SYN3: variants seen among roughly 807,000 people sequenced by gnomAD.
The protein encoded by SYN3 is synapsin-3.
In SYN3, 35 loss-of-function variants were observed where a neutral mutation model predicts 65.8. The ratio of observed to expected loss-of-function variants is 0.53; its 90% confidence interval spans 0.41 to 0.70. The LOEUF (loss-of-function observed/expected upper bound fraction) is 0.70. Among genes scored for constraint, SYN3 ranks in the 30% least tolerant of loss-of-function variants. The pLI is 0.00. For synonymous variants in SYN3, 270 were observed against 292.9 expected (o/e 0.92, Z 0.80); for missense variants, 680 against 749.0 (o/e 0.91, Z 1.08).
intron 7 of SYN3, among the ~76,000 whole-genome samples, chr22:32,545,718 G>A (rs919624222): frequency 1.3e-5 from 2 of 152,116 alleles, no homozygotes; most frequent in African/African-American, 4.8e-5. Flanking sequence ...GTGCCACCAT[G>A]GCTGGCTAAT....
intron 1 of SYN3, among the ~76,000 whole-genome samples, chr22:33,012,883 T>C (rs1404848911): frequency 6.6e-6 from 1 of 152,252 alleles, no homozygotes; most frequent in African/African-American, 2.4e-5. Flanking sequence ...GTGGTTTTCC[T>C]TCCTTCAAGG....
At position 32,509,935 on chromosome 22, in the gene SYN3, G is replaced by A. The variant is rs956914814; in HGVS notation, c.*3757C>T. Among the ~76,000 whole-genome samples the A allele has an allele frequency of 2.6e-5, 4 of 152,146 alleles. No homozygotes were observed. In the South Asian group the frequency reaches 6.2e-4, roughly 24 times the overall value. Reference sequence around the variant, plus strand: ...TTATGTCATGGATCTGGATATATGAGTATGGTTATAAAAATCAGGATGCCT... The same window carrying A: ...TTATGTCATGGATCTGGATATATGAATATGGTTATAAAAATCAGGATGCCT... On this transcript the variant is annotated 3_prime_UTR_variant, in exon 14 of 14. Transcript: ENST00000358763.
intron 1 of SYN3, among the ~76,000 whole-genome samples, chr22:33,044,420 ATGAATTGCTTCAATCACTTTAGAC>A (rs1462113902): frequency 6.6e-6 from 1 of 152,168 alleles, no homozygotes; most frequent in East Asian, 1.9e-4. Flanking sequence ...TGAGGAGCTG[ATGAATTGCTTCAATCACTTTAGAC>A]TCACAGACTC....
At chr22:32,573,927 G>A (rs1234631639) in intron 7 of SYN3, among the ~76,000 whole-genome samples, 6 of 145,936 alleles carry the variant, frequency 4.1e-5, no homozygotes, top group African/African-American at 7.6e-5. Context: ...CCGCTGCCAC[G>A]CCCGGCTAAT....
intron 6 of SYN3, among the ~76,000 whole-genome samples, chr22:32,763,783 T>C (rs1472614094): frequency 6.6e-6 from 1 of 151,874 alleles, no homozygotes; most frequent in Non-Finnish European, 1.5e-5. Flanking sequence ...AAGGCCAGGA[T>C]CCCAAGCTCA....
rs1491135400 is a variant in SYN3 at position 32,556,803 on chromosome 22, G to GTTTTTTTTTTTTTTTTTTT, written c.775-15091_775-15090insAAAAAAAAAAAAAAAAAAA. Among the ~76,000 whole-genome samples the GTTTTTTTTTTTTTTTTTTT allele has an allele frequency of 1.4e-3, 50 of 35,260 alleles. 16 individuals carry two copies. The highest frequency in any genetic ancestry group is 2.5e-3 in the South Asian group (2 of 806). 23.1% of individuals were successfully genotyped at this position (35,260 alleles called of 152,430 possible). A position where few individuals can be genotyped will look rare whatever the true frequency, so the allele number is the denominator to read the frequency against. On this transcript the variant is annotated intron_variant, in intron 7 of 13. Transcript: ENST00000358763. ...CAATGACCCAATCTATAGGTTTCCT[G>GTTTTTTTTTTTTTTTTTTT]GTTTTTTTTTTTTTTTTTTTTTTTT...
intron 3 of SYN3, among the ~76,000 whole-genome samples, chr22:32,974,560 C>T (rs5998678): frequency 8.5e-5 from 13 of 152,292 alleles, no homozygotes; most frequent in African/African-American, 3.1e-4. Flanking sequence ...ACTCCAATCC[C>T]TTTTCAGAAG....
intron 7 of SYN3, among the ~76,000 whole-genome samples, chr22:32,543,933 A>G (rs954676993): frequency 1.3e-5 from 2 of 152,216 alleles, no homozygotes; most frequent in Admixed American, 6.5e-5. Flanking sequence ...GACCTGGGTC[A>G]CTAGCACTGT....
In SYN3 at chr22:32,554,089, G is replaced by A. The variant is rs182789465; in HGVS notation, c.775-12376C>T. ...GCTTATTTCCTCAAAATCTCCGGAG[G>A]TACCAGTGTCTGTTGAAGCTCTGCA... On this transcript the variant is annotated intron_variant, in intron 7 of 13. Coordinates refer to ENST00000358763, the MANE Select transcript of SYN3 (RefSeq NM_003490.4). Among the ~76,000 whole-genome samples, 5 of 152,278 alleles carry A rather than the reference G, an allele frequency of 3.3e-5. No homozygotes were observed. In the East Asian group the frequency reaches 9.7e-4, roughly 29 times the overall value.
At chr22:32,793,365 C>T (rs1310471029) in intron 6 of SYN3, among the ~76,000 whole-genome samples, 1 of 152,228 alleles carries the variant, frequency 6.6e-6, no homozygotes, top group Non-Finnish European at 1.5e-5. Context: ...TGGTAACCCA[C>T]AGCTCTCTCC....
chr22:32,875,678 T>C (rs1386991309), intron 4 of SYN3, among the ~76,000 whole-genome samples: 1 of 152,050 alleles, frequency 6.6e-6, no homozygotes, highest in Non-Finnish European at 1.5e-5. Context: ...GAGAATGCCA[T>C]GTGATGAGGG....
intron 6 of SYN3, among the ~76,000 whole-genome samples, chr22:32,712,591 G>C (rs572720638): frequency 6.6e-6 from 1 of 152,066 alleles, no homozygotes; most frequent in Non-Finnish European, 1.5e-5. Context: ...TTGGGGTTCT[G>C]ATGTATTTCC....
chr22:32,570,469 T>G (rs1417490491), intron 7 of SYN3, among the ~76,000 whole-genome samples: 1 of 152,102 alleles, frequency 6.6e-6, no homozygotes, highest in African/African-American at 2.4e-5. Flanking sequence ...TGTTTTCTGA[T>G]TAAAACATTG....
rs562650690 is a variant in SYN3 at position 32,883,933 on chromosome 22, T to A, written c.462-14808A>T. ...ACATCAGACATCACTGATTACAGTA[T>A]AATTTCCTGCTGAGTCCATAGTGGT... On this transcript the variant is annotated intron_variant, in intron 4 of 13. Coordinates refer to ENST00000358763, the MANE Select transcript of SYN3 (RefSeq NM_003490.4). Among the ~76,000 whole-genome samples, 3 of 152,354 alleles carry A rather than the reference T, an allele frequency of 2.0e-5. No homozygotes were observed. In the South Asian group the frequency reaches 6.2e-4, roughly 32 times the overall value.
chr22:32,679,035 T>C (rs1407153221), intron 6 of SYN3, among the ~76,000 whole-genome samples: 6 of 148,714 alleles, frequency 4.0e-5, no homozygotes, highest in South Asian at 4.2e-4. Flanking sequence ...TTTTCTTTTT[T>C]CTTTGTTTCT....
intron 12 of SYN3, among the ~76,000 whole-genome samples, chr22:32,520,244 C>T (rs926637294): frequency 2.0e-5 from 3 of 152,016 alleles, no homozygotes; most frequent in African/African-American, 7.2e-5. Context: ...CTGAAGCCAC[C>T]CTCCTGCCTC....
intron 6 of SYN3, among the ~76,000 whole-genome samples, chr22:32,692,739 C>A (rs1463594399): frequency 6.9e-6 from 1 of 144,328 alleles, no homozygotes; most frequent in Non-Finnish European, 1.5e-5. Context: ...TCCTCTCTCC[C>A]ATCACTTCCC....
At chr22:32,529,100 G>A in intron 10 of SYN3, 92 bp from the exon 11 acceptor site, 1 of 1,508,112 alleles carries the variant, frequency 6.6e-7, no homozygotes. Flanking sequence ...CAGGGCTCAG[G>A]ACAGAAGTGA....
rs548860984 is a variant in SYN3, at chr22:32,512,696, A to G, written c.*996T>C. ...CATGGGGCCCTTTTGAAATTGAGTA[A>G]CCTACCAATACCTTGCTGTACAGAG... On this transcript the variant is annotated 3_prime_UTR_variant, in exon 14 of 14. Transcript: ENST00000358763. 1 of 152,308 alleles carries G rather than the reference A, an allele frequency of 6.6e-6. No individual in the cohort carries two copies. Among genetic ancestry groups the G allele is most frequent in the South Asian group, 2.1e-4 (1 of 4,824 alleles). 9.4% of individuals were successfully genotyped at this position (152,308 alleles called of 1,614,324 possible).
Sources: allele counts gnomAD v4.1 joint callset (sites outside exome capture counted in the v4.1 genomes callset), GRCh38; gene constraint gnomAD v4.1.1; transcripts MANE v1.5; gene names NCBI Gene and HGNC (gene_info 2026-07-23, HGNC 2026-07-21).